The following ARHGAP30 variants were observed in gnomAD, a reference collection of about 807,000 sequenced individuals.
The protein encoded by ARHGAP30 is Rho GTPase activating protein 30.
ARHGAP30 carries 23 observed loss-of-function variants against 72.0 expected under a neutral mutation model. The observed-to-expected ratio is 0.32, with a 90% CI of 0.23 to 0.45. The LOEUF (loss-of-function observed/expected upper bound fraction) is 0.45, where lower values mean the gene tolerates loss of function less well. ARHGAP30 is among the 20% of genes least tolerant of loss of function. The pLI, the probability that ARHGAP30 is intolerant of heterozygous loss-of-function variation, is 1.00. For synonymous variants in ARHGAP30, 576 were observed against 528.2 expected, an observed-to-expected ratio of 1.09 and a Z score of -1.24; for missense variants, 1,319 against 1,383.4, an observed-to-expected ratio of 0.95 and a Z score of 0.74.
At chr1:161,056,245 G>T (rs912316980) in intron 3 of ARHGAP30, 143 bp downstream of exon 3, 6 of 1,138,496 alleles carry the variant, frequency 5.3e-6, no homozygotes, top group Admixed American at 2.7e-5. Context: ...GGGGAGGAGG[G>T]GTCTTTTCCC....
At chr1:161,060,919 T>C (rs1236666432) in intron 1 of ARHGAP30, among the ~76,000 whole-genome samples, 1 of 152,062 alleles carries the variant, frequency 6.6e-6, no homozygotes, top group Non-Finnish European at 1.5e-5. Context: ...TTGGCCAGGC[T>C]GGTCTTGAAC....
At chr1:161,055,461 C>G (rs890985627) in intron 3 of ARHGAP30, among the ~76,000 whole-genome samples, 1 of 151,992 alleles carries the variant, frequency 6.6e-6, no homozygotes, top group Non-Finnish European at 1.5e-5. Context: ...CCACTGCACT[C>G]CGGCCTGGGT....
Position 161,047,055 on chromosome 1 carries a change from T to G in ARHGAP30, c.*660A>C, listed in dbSNP as rs1340172841. ...AGGGCCTGAGTGACACCATTTCCCT[T>G]TCCTGAAATAGGAACAAGTTATTCC... On this transcript the variant is annotated 3_prime_UTR_variant, in exon 12 of 12. Transcript: ENST00000368013. The G allele has an allele frequency of 4.4e-6, 2 of 454,914 alleles. No homozygotes were observed. Among genetic ancestry groups the G allele is most frequent in the South Asian group, 3.2e-5 (2 of 61,634 alleles). 28.2% of individuals were successfully genotyped at this position (454,914 alleles called of 1,614,324 possible). A position where few individuals can be genotyped will look rare whatever the true frequency, so the allele number is the denominator to read the frequency against.
Position 161,047,292 on chromosome 1 carries a change from T to C in ARHGAP30, c.*423A>G, listed in dbSNP as rs35251010. ...AGAACATAACAGGAATGGGCAACTC[T>C]AGAAGTGTTTGTGTGTGGAAGGCCC... On this transcript the variant is annotated 3_prime_UTR_variant, in exon 12 of 12. Coordinates refer to ENST00000368013, the MANE Select transcript of ARHGAP30 (RefSeq NM_001025598.2). 310 of 187,724 alleles carry C rather than the reference T, an allele frequency of 1.7e-3. 12 individuals are homozygous for C. In the East Asian group the frequency reaches 0.047, roughly 28 times the overall value. The allele number at this position is 187,724 out of a possible 1,614,324, so 11.6% of individuals were successfully genotyped here. A position where few individuals can be genotyped will look rare whatever the true frequency, so the allele number is the denominator to read the frequency against.
chr1:161,068,012 C>T (rs1270090488), intron 1 of ARHGAP30, among the ~76,000 whole-genome samples: 1 of 152,184 alleles, frequency 6.6e-6, no homozygotes, highest in Non-Finnish European at 1.5e-5. Context: ...TGTCTGTCCC[C>T]TCTAGAGAGT....
At chr1:161,056,635 T>G in intron 2 of ARHGAP30, 103 bp from the exon 3 acceptor site, 3 of 1,306,626 alleles carry the variant, frequency 2.3e-6, no homozygotes, top group Non-Finnish European at 3.1e-6. Context: ...GGTCAACATG[T>G]GTTGGACTTG....
chr1:161,066,555 G>T (rs7416434), intron 1 of ARHGAP30, among the ~76,000 whole-genome samples: 1 of 142,448 alleles, frequency 7.0e-6, no homozygotes, highest in African/African-American at 2.7e-5. Context: ...GAGGCAGGGA[G>T]AATTGCTTGA....
In ARHGAP30 at chr1:161,051,653, C is replaced by T; in HGVS notation, c.1081G>A (p.Glu361Lys). The T allele has an allele frequency of 6.2e-7, 1 of 1,613,006 alleles. No homozygotes were observed. Among genetic ancestry groups the T allele is most frequent in the African/African-American group, 1.3e-5 (1 of 75,062 alleles). Reference sequence around the variant, plus strand: ...TCTGCTGCCTCTATAGAATCGTTCTCCAAGCTCTCAGGCAGCAATGGGCTT... The same window carrying T: ...TCTGCTGCCTCTATAGAATCGTTCTTCAAGCTCTCAGGCAGCAATGGGCTT... ...RPSPLLPESL[E>K]NDSIEAAEGE... The change falls in exon 10 of 12, where the codon GAG becomes AAG. Residue 361 changes from glutamate to lysine, a missense_variant. Transcript: ENST00000368013.
chr1:161,053,596 C>G (rs554593414), intron 5 of ARHGAP30, among the ~76,000 whole-genome samples: 3 of 151,790 alleles, frequency 2.0e-5, no homozygotes, highest in African/African-American at 7.3e-5. Flanking sequence ...AGGAAGGAAG[C>G]CTTCTTGGAC....
At position 161,051,472 on chromosome 1, in the gene ARHGAP30, G is replaced by A. The variant is rs750127307; in HGVS notation, c.1262C>T (p.Pro421Leu). The change falls in exon 10 of 12, where the codon CCG becomes CTG. Residue 421 changes from proline (P) to leucine (L), a missense_variant. Physicochemically the swap from Pro to Leu is moderately conservative, Grantham distance 98 (BLOSUM62 -3). Transcript: ENST00000368013. ...ACTGAGGATAGAGGTGATGTGTAGC[G>A]GGAGGTTGACATTGTAGGGGTCTGA... ...HISDPYNVNL[P>L]LHITSILSVP... 6 of 1,614,130 alleles carry A rather than the reference G, an allele frequency of 3.7e-6. No individual in the cohort carries two copies. The highest frequency in any genetic ancestry group is 1.6e-4 in the Middle Eastern group (1 of 6,084).
At position 161,052,456 on chromosome 1, in the gene ARHGAP30, C is replaced by T; in HGVS notation, c.924G>A (p.Arg308=). ...SGHETKRKLP[R]GAEDREDKSN... is the part of the protein sequence containing the mutation. ...CAGACTTACCCCTGTCCTCAGCCCC[C>T]CGTGGAAGTTTACGCTTAGTCTCAT... is the stretch of plus-strand genomic sequence containing the variant. Residue 308 remains arginine (R), a synonymous_variant, in exon 8 of 12, where the codon CGG becomes CGA. Coordinates refer to ENST00000368013, the MANE Select transcript of ARHGAP30 (RefSeq NM_001025598.2). The T allele has an allele frequency of 6.2e-7, 1 of 1,613,936 alleles. No homozygotes were observed. Among genetic ancestry groups the T allele is most frequent in the Non-Finnish European group, 8.5e-7 (1 of 1,180,014 alleles).
chr1:161,047,931 G>T lies in ARHGAP30; in HGVS notation c.3090C>A (p.Ile1030=). 6.2e-7 allele frequency: 1 copy of T among 1,613,582 alleles called. No homozygotes were observed. The change falls in exon 12 of 12, where the codon ATC becomes ATA. Residue 1030 remains isoleucine, a synonymous_variant. Coordinates refer to ENST00000368013, the MANE Select transcript of ARHGAP30 (RefSeq NM_001025598.2). ...TCTEGGDYCL[I]PRTSPCSMIS... is the part of the protein sequence containing the mutation. ...TCATGCTACAAGGGGAGGTTCTGGG[G>T]ATGAGGCAGTAATCCCCACCCTCAG...
chr1:161,048,277 A>C lies in ARHGAP30; in HGVS notation c.2744T>G (p.Leu915Arg), dbSNP rs771938023. The change falls in exon 12 of 12, where the codon CTT becomes CGT. Residue 915 changes from leucine (L) to arginine (R), a missense_variant. By Grantham distance (102) the Leu-to-Arg change is moderately radical. Around this residue, in one of 2 missense-constraint regions of ARHGAP30, gnomAD observed 1,097 missense variants for 1,045.2 expected, o/e 1.05. Coordinates refer to ENST00000368013, the MANE Select transcript of ARHGAP30 (RefSeq NM_001025598.2). Reference sequence around the variant, plus strand: ...ACGCATGCCCACGCCACCCAGGCCAAGAGAACAGGGGCATAGACAGCCGTC... The same window carrying C: ...ACGCATGCCCACGCCACCCAGGCCACGAGAACAGGGGCATAGACAGCCGTC... The part of the protein sequence containing the change: ...SPDGCLCPCS[L>R]GLGGVGMRLA... 1 of 1,614,180 alleles carries C rather than the reference A, an allele frequency of 6.2e-7. No individual in the cohort carries two copies. Among genetic ancestry groups the C allele is most frequent in the East Asian group, 2.2e-5 (1 of 44,892 alleles).
chr1:161,067,724 G>C (rs967423375), intron 1 of ARHGAP30, among the ~76,000 whole-genome samples: 1 of 152,144 alleles, frequency 6.6e-6, no homozygotes, highest in African/African-American at 2.4e-5. Context: ...CTGTGGGGAT[G>C]GGGGAGACCA....
chr1:161,051,460 G>A lies in ARHGAP30; in HGVS notation c.1274C>T (p.Thr425Ile). Residue 425 changes from threonine to isoleucine, a missense_variant, in exon 10 of 12, where the codon ACC (threonine) becomes ATC (isoleucine). Coordinates refer to ENST00000368013, the MANE Select transcript of ARHGAP30 (RefSeq NM_001025598.2). ...PYNVNLPLHI[T>I]SILSVPPNII... Reference sequence around the variant, plus strand: ...GTTCGGGGGCACACTGAGGATAGAGGTGATGTGTAGCGGGAGGTTGACATT... The same window carrying A: ...GTTCGGGGGCACACTGAGGATAGAGATGATGTGTAGCGGGAGGTTGACATT... 1 of 1,614,274 alleles carries A rather than the reference G, an allele frequency of 6.2e-7. No individual in the cohort carries two copies. Among genetic ancestry groups the A allele is most frequent in the Non-Finnish European group, 8.5e-7 (1 of 1,180,046 alleles).
At chr1:161,057,503 C>T (rs1018730032) in intron 2 of ARHGAP30, among the ~76,000 whole-genome samples, 1 of 152,042 alleles carries the variant, frequency 6.6e-6, no homozygotes, top group African/African-American at 2.4e-5. Flanking sequence ...CCAGGGGAGG[C>T]GGCTCATGCC....
Position 161,069,265 on chromosome 1 carries a change from C to A in ARHGAP30, c.97+263G>T, listed in dbSNP as rs532690220. ...CCTCGGTTTCCAGTCTCTCCATCCTCCCCCTCACTGCTACCTGGGTACTCA... is the reference window on the plus strand; with the variant it reads ...CCTCGGTTTCCAGTCTCTCCATCCTACCCCTCACTGCTACCTGGGTACTCA... On this transcript the variant is annotated intron_variant, in intron 1 of 11. Coordinates refer to ENST00000368013, the MANE Select transcript of ARHGAP30 (RefSeq NM_001025598.2). This position sits in a 1 kb window ranked among gnomAD's most constrained non-coding sequence, Gnocchi z 4.9. 3.9e-5 allele frequency among the ~76,000 whole-genome samples: 6 copies of A among 152,262 alleles called. No homozygotes were observed. The South Asian group carries it at 1.2e-3, about 32-fold the overall frequency.
At chr1:161,053,490 CTCT>C in intron 5 of ARHGAP30, 105 bp from the exon 6 acceptor site, 1 of 929,004 alleles carries the variant, frequency 1.1e-6, no homozygotes, top group Non-Finnish European at 1.4e-6. Context: ...CTCTCTCTCT[CTCT>C]CTCTCTCTCT....
Position 161,049,559 on chromosome 1 carries a change from G to T in ARHGAP30, c.1551C>A (p.Ser517Arg), listed in dbSNP as rs1364821101. Reference sequence around the variant, plus strand: ...CCCCCACCCACTCAGGTTCTGAGCTGCTTGAGTCCTCTAGGAAGGAGAAGG... The same window carrying T: ...CCCCCACCCACTCAGGTTCTGAGCTTCTTGAGTCCTCTAGGAAGGAGAAGG... ...QDSFSFLEDS[S>R]SSEPEWVGAE... The change falls in exon 11 of 12, where the codon AGC (serine) becomes AGA (arginine). Residue 517 changes from serine to arginine, a missense_variant. Around this residue, in one of 2 missense-constraint regions of ARHGAP30, gnomAD observed 1,097 missense variants for 1,045.2 expected, o/e 1.05. Coordinates refer to ENST00000368013, the MANE Select transcript of ARHGAP30 (RefSeq NM_001025598.2). 1 of 1,614,158 alleles carries T rather than the reference G, an allele frequency of 6.2e-7. No individual in the cohort carries two copies. The highest frequency in any genetic ancestry group is 2.2e-5 in the East Asian group (1 of 44,888).
Sources: allele counts gnomAD v4.1 joint callset (sites outside exome capture counted in the v4.1 genomes callset), GRCh38; gene constraint gnomAD v4.1.1; regional missense constraint gnomAD v4.1.1; non-coding constraint Gnocchi (gnomAD v3.1); transcripts MANE v1.5; gene names NCBI Gene and HGNC (gene_info 2026-07-23, HGNC 2026-07-21).